KLHL12: variants seen among roughly 807,000 people sequenced by gnomAD.
KLHL12 encodes the protein kelch like family member 12, also known as kelch-like protein 12.
KLHL12 carries 17 observed loss-of-function variants against 60.8 expected under a neutral mutation model. The ratio of observed to expected loss-of-function variants is 0.28; its 90% CI spans 0.19 to 0.42. The LOEUF is 0.42. KLHL12 is among the 10% of genes least tolerant of loss of function. KLHL12 has a pLI of 1.00. For synonymous variants in KLHL12, 220 were observed against 250.9 expected, an observed-to-expected ratio of 0.88 and a Z score of 1.16; for missense variants, 468 against 722.3, an observed-to-expected ratio of 0.65 and a Z score of 4.04.
chr1:202,908,949 G>T (rs1040484857), intron 6 of KLHL12, 61 bp downstream of exon 6: 1 of 1,035,452 alleles, frequency 9.7e-7, no homozygotes, highest in Non-Finnish European at 1.5e-6. Context: ...TTTCAACTAT[G>T]TTGTCACCTG....
intron 3 of KLHL12, among the ~76,000 whole-genome samples, chr1:202,919,456 G>T (rs1660619436): frequency 1.3e-5 from 2 of 151,856 alleles, no homozygotes; most frequent in Non-Finnish European, 2.9e-5. Flanking sequence ...TTCCTTATAG[G>T]TGTGTTACAT....
At chr1:202,899,005 T>C (rs1055737768) in intron 6 of KLHL12, among the ~76,000 whole-genome samples, 1 of 151,484 alleles carries the variant, frequency 6.6e-6, no homozygotes, top group African/African-American at 2.4e-5. Context: ...TGGAATAATA[T>C]CCAGTCTGGA....
In KLHL12 at chr1:202,925,069, G is replaced by A. The variant is rs780563439; in HGVS notation, c.94C>T (p.Leu32Phe). The change falls in exon 2 of 12, where the codon CTC becomes TTC. Residue 32 changes from leucine (L) to phenylalanine (F), a missense_variant. Leu to Phe is a conservative substitution (Grantham distance 22). Coordinates refer to ENST00000367261, the MANE Select transcript of KLHL12 (RefSeq NM_021633.4). Reference sequence around the variant, plus strand: ...TCTACTCTCAATGTCACATCACAGAGGGTATTGCTCTTCCTGAGGGAGTTC... The same window carrying A: ...TCTACTCTCAATGTCACATCACAGAAGGTATTGCTCTTCCTGAGGGAGTTC... ...SMNSLRKSNTLCDVTLRVEQK... is the reference protein window; with the variant it reads ...SMNSLRKSNTFCDVTLRVEQK... 1 of 1,614,020 alleles carries A rather than the reference G, an allele frequency of 6.2e-7. No homozygotes were observed. The highest frequency in any genetic ancestry group is 1.7e-5 in the Admixed American group (1 of 59,998).
At chr1:202,897,240 T>TA (rs2102410223) in intron 6 of KLHL12, among the ~76,000 whole-genome samples, 2 of 146,350 alleles carry the variant, frequency 1.4e-5, no homozygotes, top group African/African-American at 5.0e-5. Flanking sequence ...TTTTTTTTTT[T>TA]TTTTTTTTTT....
intron 6 of KLHL12, among the ~76,000 whole-genome samples, chr1:202,904,798 G>A (rs776749632): frequency 9.9e-5 from 15 of 152,156 alleles, no homozygotes; most frequent in Admixed American, 7.2e-4. Context: ...AGGGTTCAGA[G>A]ACTCACATTT....
intron 6 of KLHL12, among the ~76,000 whole-genome samples, chr1:202,901,755 G>A (rs780265307): frequency 1.7e-4 from 26 of 152,098 alleles, no homozygotes; most frequent in Non-Finnish European, 3.2e-4. Flanking sequence ...TAACTTCCCC[G>A]CAACTGCCAA....
intron 4 of KLHL12, among the ~76,000 whole-genome samples, chr1:202,914,605 C>A (rs1422419702): frequency 6.6e-6 from 1 of 152,044 alleles, no homozygotes; most frequent in Non-Finnish European, 1.5e-5. Flanking sequence ...TGGTGGCTCA[C>A]GCCTGTAATC....
intron 4 of KLHL12, among the ~76,000 whole-genome samples, chr1:202,914,633 C>G (rs540940131): frequency 6.6e-6 from 1 of 151,806 alleles, no homozygotes; most frequent in African/African-American, 2.4e-5. Flanking sequence ...TTTGGGAGGC[C>G]GAGGCGGGTG....
rs187767000 is a variant in KLHL12, at chr1:202,912,877, T to A, written c.568-1674A>T. On this transcript the variant is annotated intron_variant, in intron 4 of 11. Coordinates refer to ENST00000367261, the MANE Select transcript of KLHL12 (RefSeq NM_021633.4). ...GACATGTTTTAGACAAATACTCATG[T>A]GTATGGGCAAAAAACTCGAGGACTG... The A allele has an allele frequency of 3.3e-4, 221 of 671,876 alleles. 2 individuals carry two copies. Among genetic ancestry groups the A allele is most frequent in the East Asian group, 2.7e-3 (97 of 35,648 alleles). 41.6% of individuals were successfully genotyped at this position (671,876 alleles called of 1,614,324 possible). A position where few individuals can be genotyped will look rare whatever the true frequency, so the allele number is the denominator to read the frequency against.
rs1307236103 is a variant in KLHL12, at chr1:202,895,669, G to A, written c.988C>T (p.Arg330Trp). The A allele has an allele frequency of 4.3e-6, 7 of 1,613,992 alleles. No individual in the cohort carries two copies. The highest frequency in any genetic ancestry group is 3.3e-5 in the Admixed American group (2 of 59,994). ...RYVASVSLHD[R>W]IYVIGGYDGR... ...TCATAGCCACCAATGACGTAGATCCGGTCATGAAGGGACACTGAGGCCACA... is the reference window on the plus strand; with the variant it reads ...TCATAGCCACCAATGACGTAGATCCAGTCATGAAGGGACACTGAGGCCACA... Residue 330 changes from arginine (R) to tryptophan (W), a missense_variant, in exon 8 of 12, where the codon CGG becomes TGG. Physicochemically the swap from Arg to Trp is moderately radical, Grantham distance 101. This residue lies in a region of KLHL12 where 339 missense variants were observed against 525.0 expected (regional missense o/e 0.65). Coordinates refer to ENST00000367261, the MANE Select transcript of KLHL12 (RefSeq NM_021633.4). This position sits in a 1 kb window ranked among gnomAD's most constrained non-coding sequence, Gnocchi z 4.2.
intron 4 of KLHL12, 131 bp from the exon 5 acceptor site, chr1:202,911,334 T>C (rs987537686): frequency 7.7e-6 from 8 of 1,038,406 alleles, no homozygotes; most frequent in East Asian, 7.3e-5. Context: ...CTTCCAGAAA[T>C]AGCTAGGCTC....
chr1:202,908,360 A>G (rs1660258593), intron 6 of KLHL12, among the ~76,000 whole-genome samples: 1 of 152,238 alleles, frequency 6.6e-6, no homozygotes. Flanking sequence ...TAGCTAATAC[A>G]CATAGTTATT....
In KLHL12 at chr1:202,894,622, G is replaced by A. The variant is rs200970568; in HGVS notation, c.1263C>T (p.Leu421=). The change falls in exon 9 of 12, where the codon CTC becomes CTT. Residue 421 remains leucine (L), a synonymous_variant. Transcript: ENST00000367261. ...DMQTAREGAG[L]VVASGVIYCL... ...AGTAGATCACTCCACTGGCCACTAC[G>A]AGTCCGGCACCTTCCCGGGCTGTCT... 4.5e-5 allele frequency: 72 copies of A among 1,613,914 alleles called. No homozygotes were observed. Among genetic ancestry groups the A allele is most frequent in the East Asian group, 8.9e-5 (4 of 44,886 alleles).
chr1:202,907,073 C>T (rs1294549047), intron 6 of KLHL12, among the ~76,000 whole-genome samples: 1 of 152,158 alleles, frequency 6.6e-6, no homozygotes, highest in Admixed American at 6.5e-5. Context: ...TTCAGTCCTT[C>T]AATCTATCTT....
At position 202,893,709 on chromosome 1, in the gene KLHL12, G is replaced by GA. The variant is rs1054366938; in HGVS notation, c.1394-285dup. Among the ~76,000 whole-genome samples the GA allele has an allele frequency of 2.0e-5, 3 of 152,084 alleles. No individual in the cohort carries two copies. The East Asian group carries it at 5.8e-4, about 29-fold the overall frequency. ...TCTAATTAGGAGAAAGGGAGGAAGT[G>GA]AAAAAAAGGTGGCAATAAAGGTAGA... On this transcript the variant is annotated intron_variant, in intron 10 of 11. Transcript: ENST00000367261. This position sits in a 1 kb window ranked among gnomAD's most constrained non-coding sequence, Gnocchi z 4.1.
chr1:202,906,032 G>C (rs1660175753), intron 6 of KLHL12, among the ~76,000 whole-genome samples: 1 of 138,104 alleles, frequency 7.2e-6, no homozygotes, highest in South Asian at 2.3e-4. Context: ...TGTTAGCCTG[G>C]ATGGTCTCGA....
rs1221070956 is a variant in KLHL12, at chr1:202,925,074, T to C, written c.89A>G (p.Asn30Ser). ...TCTCAATGTCACATCACAGAGGGTA[T>C]TGCTCTTCCTGAGGGAGTTCATTGA... ...LNSMNSLRKS[N>S]TLCDVTLRVE... Residue 30 changes from asparagine to serine, a missense_variant, in exon 2 of 12, where the codon AAT (asparagine) becomes AGT (serine). By Grantham distance (46) the Asn-to-Ser change is conservative. Coordinates refer to ENST00000367261, the MANE Select transcript of KLHL12 (RefSeq NM_021633.4). The C allele has an allele frequency of 3.7e-6, 6 of 1,614,130 alleles. No homozygotes were observed. The highest frequency in any genetic ancestry group is 5.1e-6 in the Non-Finnish European group (6 of 1,180,028).
chr1:202,919,067 T>C (rs1024683161), intron 3 of KLHL12, among the ~76,000 whole-genome samples: 5 of 152,170 alleles, frequency 3.3e-5, no homozygotes, highest in Admixed American at 6.5e-5. Flanking sequence ...CTGAGCAACA[T>C]AGAGAGAACT....
Position 202,911,140 on chromosome 1 carries a change from G to T in KLHL12, c.631C>A (p.Arg211=). The change falls in exon 5 of 12, where the codon CGG becomes AGG. Residue 211 remains arginine, a synonymous_variant. Transcript: ENST00000367261. ...INWVKHAKKE[R]EESLPNLLQY... ...AGCAGGTTAGGCAAGGATTCTTCCC[G>T]CTCTTTCTTGGCATGCTTCACCCAG... 6.2e-7 allele frequency: 1 copy of T among 1,614,040 alleles called. No homozygotes were observed. Among genetic ancestry groups the T allele is most frequent in the Admixed American group, 1.7e-5 (1 of 60,008 alleles).
Sources: gnomAD v4.1 joint callset for allele counts (sites outside exome capture counted in the v4.1 genomes callset) on GRCh38, gnomAD v4.1.1 for gene constraint, gnomAD v4.1.1 regional missense constraint, Gnocchi (gnomAD v3.1) non-coding constraint, MANE v1.5 for transcripts, NCBI Gene and HGNC (gene_info 2026-07-23, HGNC 2026-07-21) for gene names.